SLC25A16: variants seen among roughly 807,000 people sequenced by gnomAD.
The protein encoded by SLC25A16 is solute carrier family 25 member 16.
SLC25A16 carries 39 observed loss-of-function variants against 41.5 expected under a neutral mutation model. The ratio of observed to expected loss-of-function variants is 0.94; its 90% CI spans 0.73 to 1.23. SLC25A16 has a LOEUF of 1.23. Among genes scored for constraint, SLC25A16 ranks in the 50% most tolerant of loss-of-function variants. The probability of loss-of-function intolerance (pLI) is 0.00; values close to 1 mark genes in which losing one functional copy is unlikely to be tolerated. For missense variants in SLC25A16, 421 were observed against 426.9 expected (o/e 0.99, Z 0.12); for synonymous variants, 146 against 147.8 (o/e 0.99, Z 0.09).
Position 68,502,560 on chromosome 10 carries a change from T to C in SLC25A16, c.421+1072A>G, listed in dbSNP as rs2052866863. The stretch of plus-strand genomic sequence containing the variant: ...GCCTGGGCAACATGACAAATGCCCG[T>C]CTCTACAGAGAATACAAAAATTAGC... On this transcript the variant is annotated intron_variant, in intron 4 of 8. Coordinates refer to ENST00000609923, the MANE Select transcript of SLC25A16 (RefSeq NM_152707.4). Among the ~76,000 whole-genome samples, 3 of 150,984 alleles carry C rather than the reference T, an allele frequency of 2.0e-5. No individual in the cohort carries two copies. The Admixed American group carries it at 2.0e-4, about 10-fold the overall frequency.
At position 68,493,539 on chromosome 10, in the gene SLC25A16, A is replaced by T; in HGVS notation, c.453T>A (p.Leu151=). 6.2e-7 allele frequency: 1 copy of T among 1,613,152 alleles called. No individual in the cohort carries two copies. The highest frequency in any genetic ancestry group is 8.5e-7 in the Non-Finnish European group (1 of 1,179,232). ...ATGCTAGGCGGACCCTAACCATGTCAAGAGGGTAAGTACAGATAACTGCTG... is the reference window on the plus strand; with the variant it reads ...ATGCTAGGCGGACCCTAACCATGTCTAGAGGGTAAGTACAGATAACTGCTG... The part of the protein sequence containing the change: ...GMTAVICTYP[L]DMVRVRLAFQ... Residue 151 remains leucine (L), a synonymous_variant, in exon 5 of 9, where the codon CTT becomes CTA. Coordinates refer to ENST00000609923, the MANE Select transcript of SLC25A16 (RefSeq NM_152707.4).
chr10:68,491,508 A>C (rs1400499250), intron 6 of SLC25A16, among the ~76,000 whole-genome samples: 1 of 152,074 alleles, frequency 6.6e-6, no homozygotes, highest in Non-Finnish European at 1.5e-5. Flanking sequence ...TACAGGCATG[A>C]GCCACCGCAC....
intron 2 of SLC25A16, among the ~76,000 whole-genome samples, chr10:68,516,087 G>A (rs2053156987): frequency 6.6e-6 from 1 of 152,096 alleles, no homozygotes; most frequent in Non-Finnish European, 1.5e-5. Flanking sequence ...CATTTGAAAT[G>A]CTCGTTTCCT....
chr10:68,508,888 G>A (rs188105508), intron 2 of SLC25A16, among the ~76,000 whole-genome samples: 6 of 152,164 alleles, frequency 3.9e-5, no homozygotes, highest in East Asian at 1.9e-4. Flanking sequence ...AAGTATCGAG[G>A]GGGTTTCAAC....
chr10:68,527,204 C>T (rs752664093), intron 1 of SLC25A16, 42 bp downstream of exon 1: 10 of 1,540,718 alleles, frequency 6.5e-6, no homozygotes, highest in Middle Eastern at 1.7e-4. Context: ...GTCCTGCCCC[C>T]GCCACTCAGA....
chr10:68,509,748 T>TAG (rs1467594446), intron 2 of SLC25A16, among the ~76,000 whole-genome samples: 1 of 141,220 alleles, frequency 7.1e-6, no homozygotes, highest in African/African-American at 2.8e-5. Context: ...TATATCTATA[T>TAG]ATATAGATAT....
Position 68,506,311 on chromosome 10 carries a change from G to A in SLC25A16, c.357+274C>T, listed in dbSNP as rs2052952421. Among the ~76,000 whole-genome samples the A allele has an allele frequency of 2.0e-5, 3 of 151,952 alleles. No homozygotes were observed. The South Asian group carries it at 6.2e-4, about 31-fold the overall frequency. On this transcript the variant is annotated intron_variant, in intron 3 of 8. Transcript: ENST00000609923. ...CATACAAAAATTAGCCAGGCATGGT[G>A]GCATAGGCCTGTAATCCCAGCTACT...
chr10:68,498,479 C>G (rs976537659), intron 4 of SLC25A16, among the ~76,000 whole-genome samples: 1 of 151,810 alleles, frequency 6.6e-6, no homozygotes, highest in African/African-American at 2.4e-5. Flanking sequence ...TGCTTCAGGC[C>G]AGGAATTCAA....
chr10:68,512,434 G>C (rs1310949019), intron 2 of SLC25A16, among the ~76,000 whole-genome samples: 1 of 136,832 alleles, frequency 7.3e-6, no homozygotes, highest in Non-Finnish European at 1.6e-5. Flanking sequence ...TCAGGAGATC[G>C]AGACCATCCC....
At chr10:68,492,433 G>A (rs544668679) in intron 6 of SLC25A16, among the ~76,000 whole-genome samples, 2 of 152,204 alleles carry the variant, frequency 1.3e-5, no homozygotes, top group South Asian at 2.1e-4. Context: ...ATAACTGTAT[G>A]TAAATCCACA....
chr10:68,493,595 G>A (rs754878543), intron 4 of SLC25A16, 25 bp from the exon 5 acceptor site: 1 of 1,589,370 alleles, frequency 6.3e-7, no homozygotes, highest in Non-Finnish European at 8.6e-7. Flanking sequence ...GAAATTTAGA[G>A]GTACAATGAA....
chr10:68,512,216 CA>C (rs201136211), intron 2 of SLC25A16, among the ~76,000 whole-genome samples: 3,598 of 151,968 alleles, frequency 0.024, 50 homozygotes, highest in Non-Finnish European at 0.036. Context: ...AGCTTGAGCC[CA>C]AAAGTTTGAG....
chr10:68,509,205 C>T (rs1467494644), intron 2 of SLC25A16, among the ~76,000 whole-genome samples: 1 of 151,878 alleles, frequency 6.6e-6, no homozygotes, highest in African/African-American at 2.4e-5. Context: ...GAAATGGTGG[C>T]GGGTGCCTGT....
chr10:68,500,907 G>T (rs1201119277), intron 4 of SLC25A16, among the ~76,000 whole-genome samples: 1 of 151,846 alleles, frequency 6.6e-6, no homozygotes, highest in African/African-American at 2.4e-5. Context: ...CTCCAGCCTG[G>T]GCGACAGAGG....
chr10:68,510,865 A>G (rs2053051399), intron 2 of SLC25A16, among the ~76,000 whole-genome samples: 1 of 152,138 alleles, frequency 6.6e-6, no homozygotes, highest in Admixed American at 6.6e-5. Context: ...AATTTTTCGA[A>G]AAGAGCAAAA....
chr10:68,496,917 C>G (rs188646151), intron 4 of SLC25A16: 3 of 154,474 alleles, frequency 1.9e-5, no homozygotes, highest in African/African-American at 7.2e-5. Flanking sequence ...CTCAAATGTT[C>G]CTCCTACCTC....
chr10:68,489,017 C>G (rs963470289), intron 6 of SLC25A16, among the ~76,000 whole-genome samples: 14 of 152,174 alleles, frequency 9.2e-5, no homozygotes, highest in African/African-American at 2.9e-4. Context: ...CACCTGTAAT[C>G]CCAACAATTT....
intron 1 of SLC25A16, among the ~76,000 whole-genome samples, chr10:68,526,967 T>C (rs2053347457): frequency 6.6e-6 from 1 of 152,188 alleles, no homozygotes; most frequent in African/African-American, 2.4e-5. Context: ...GGGATCCTCC[T>C]CTTTTCCCTG....
At chr10:68,500,491 A>G (rs974088141) in intron 4 of SLC25A16, among the ~76,000 whole-genome samples, 4 of 151,928 alleles carry the variant, frequency 2.6e-5, no homozygotes, top group African/African-American at 9.7e-5. Flanking sequence ...TATTTTTGCT[A>G]CAGACAGGGT....
Sources: gnomAD v4.1 joint callset for allele counts (sites outside exome capture counted in the v4.1 genomes callset) on GRCh38, gnomAD v4.1.1 for gene constraint, MANE v1.5 for transcripts, NCBI Gene and HGNC (gene_info 2026-07-23, HGNC 2026-07-21) for gene names.